Variants in ABCA13 observed in about 807,000 individuals in gnomAD.
ABCA13 encodes the protein ATP-binding cassette sub-family A member 13.
In ABCA13, 476 loss-of-function variants were observed where a neutral mutation model predicts 478.7. That is an observed-to-expected ratio of 0.99 (90% CI 0.92 to 1.07). The LOEUF is 1.07. ABCA13 is among the 50% of genes least tolerant of loss of function. The pLI is 0.00. For missense variants in ABCA13, 6,060 were observed against 5,910.6 expected (o/e 1.03, Z -0.83); for synonymous variants, 2,252 against 2,158.9 (o/e 1.04, Z -1.20).
chr7:48,247,289 G>C (rs896826533), intron 13 of ABCA13, among the ~76,000 whole-genome samples: 2 of 151,974 alleles, frequency 1.3e-5, no homozygotes, highest in Non-Finnish European at 2.9e-5. Context: ...ATGCATGCAG[G>C]CACAAAAAAC....
chr7:48,575,535 C>T (rs974706257), intron 55 of ABCA13, among the ~76,000 whole-genome samples: 2 of 152,060 alleles, frequency 1.3e-5, no homozygotes, highest in Non-Finnish European at 2.9e-5. Flanking sequence ...ATTAAATTAG[C>T]GCTGCCAGTG....
At position 48,507,646 on chromosome 7, in the gene ABCA13, C is replaced by T. The variant is rs943098370; in HGVS notation, c.13347-226C>T. Among the ~76,000 whole-genome samples the T allele has an allele frequency of 9.2e-5, 14 of 152,178 alleles. 1 individual carries two copies. Among genetic ancestry groups the T allele is most frequent in the African/African-American group, 3.1e-4 (13 of 41,454 alleles). On this transcript the variant is annotated intron_variant, in intron 49 of 61. Transcript: ENST00000435803. Reference sequence around the variant, plus strand: ...AAGAAGACTCCGAAATGCCCTCAAACTGTGCTCCTCAGTTTTGTCTTCTGT... The same window carrying T: ...AAGAAGACTCCGAAATGCCCTCAAATTGTGCTCCTCAGTTTTGTCTTCTGT...
Position 48,467,004 on chromosome 7 carries a change from T to C in ABCA13, c.12864T>C (p.Phe4288=). ...TCACCCGTGTGCTTCTGCGGAAGTT[T>C]AGAGATCAAGATTTGCCCTGTGCAG... is the stretch of plus-strand genomic sequence containing the variant. ...LDLTRVLLRK[F]RDQDLPCADL... The change falls in exon 44 of 62, where the codon TTT becomes TTC. Residue 4288 remains phenylalanine, a synonymous_variant. Transcript: ENST00000435803. The C allele has an allele frequency of 1.2e-6, 2 of 1,614,004 alleles. No individual in the cohort carries two copies. The highest frequency in any genetic ancestry group is 1.7e-5 in the Admixed American group (1 of 60,014).
At chr7:48,560,582 A>G (rs1479655921) in intron 55 of ABCA13, among the ~76,000 whole-genome samples, 2 of 152,230 alleles carry the variant, frequency 1.3e-5, no homozygotes, top group African/African-American at 4.8e-5. Context: ...GACAATCAGT[A>G]GAGGCTTCCA....
At chr7:48,196,905 G>A (rs1798010246) in intron 2 of ABCA13, among the ~76,000 whole-genome samples, 2 of 152,060 alleles carry the variant, frequency 1.3e-5, no homozygotes, top group Non-Finnish European at 1.5e-5. Flanking sequence ...TGACTGAGAG[G>A]GACCTTAGAA....
At chr7:48,295,921 C>G in intron 21 of ABCA13, 58 bp downstream of exon 21, 2 of 1,508,390 alleles carry the variant, frequency 1.3e-6, no homozygotes, top group Non-Finnish European at 1.8e-6. Flanking sequence ...GAGAGGATGT[C>G]TAGGACTCTT....
chr7:48,314,224 T>C lies in ABCA13; in HGVS notation c.9682-8T>C. 1 of 1,605,032 alleles carries C rather than the reference T, an allele frequency of 6.2e-7. No individual in the cohort carries two copies. The highest frequency in any genetic ancestry group is 1.7e-5 in the Admixed American group (1 of 57,352). ...TGTAATTGCAATTTAGTTTTCTTAT[T>C]TTCTCAGGTTTCACAAAATGTCCAG... On this transcript the variant is annotated splice_region_variant and splice_polypyrimidine_tract_variant and intron_variant, in intron 25 of 61. Transcript: ENST00000435803.
chr7:48,615,105 G>A (rs531855386), intron 58 of ABCA13, among the ~76,000 whole-genome samples, 180 bp from the exon 59 acceptor site: 2 of 151,104 alleles, frequency 1.3e-5, no homozygotes, highest in East Asian at 3.8e-4. Flanking sequence ...AAAATTGGCT[G>A]TCTAAATAAA....
At position 48,274,837 on chromosome 7, in the gene ABCA13, A is replaced by C. The variant is rs555935052; in HGVS notation, c.5171A>C (p.Asn1724Thr). The C allele has an allele frequency of 1.2e-6, 2 of 1,613,930 alleles. No individual in the cohort carries two copies. Among genetic ancestry groups the C allele is most frequent in the African/African-American group, 1.3e-5 (1 of 75,030 alleles). Reference protein sequence around the residue: ...EKFADSSHSWNVNHLLQLSRL... With the variant: ...EKFADSSHSWTVNHLLQLSRL... ...TTTGCAGACAGCTCACATTCTTGGA[A>C]TGTTAATCATCTGCTGCAGCTCTCA... The change falls in exon 17 of 62, where the codon AAT becomes ACT. Residue 1724 changes from asparagine to threonine, a missense_variant. Physicochemically the swap from Asn to Thr is moderately conservative, Grantham distance 65. Coordinates refer to ENST00000435803, the MANE Select transcript of ABCA13 (RefSeq NM_152701.5).
intron 3 of ABCA13, among the ~76,000 whole-genome samples, chr7:48,213,743 T>A (rs758660551): frequency 6.6e-6 from 1 of 152,230 alleles, no homozygotes; most frequent in Non-Finnish European, 1.5e-5. Flanking sequence ...ACTAACTTTA[T>A]GTAATATTCT....
rs756906530 is a variant in ABCA13, at chr7:48,412,445, CA to C, written c.12322del (p.Ser4108ValfsTer5). The part of the protein sequence containing the change: ...YIPQAFLKDS[S>X]GSELTYTIPK... ...TTCCACAAGCATTTCTCAAAGACAGCAGTGGAAGTGAGCTGACCTACACCAT... is the reference window on the plus strand; with the variant it reads ...TTCCACAAGCATTTCTCAAAGACAGCGTGGAAGTGAGCTGACCTACACCAT... On this transcript the variant is annotated frameshift_variant, in exon 41 of 62. Coordinates refer to ENST00000435803, the MANE Select transcript of ABCA13 (RefSeq NM_152701.5). LOFTEE classifies it high-confidence loss of function. The C allele has an allele frequency of 2.5e-6, 4 of 1,613,274 alleles. No homozygotes were observed. The highest frequency in any genetic ancestry group is 1.3e-5 in the African/African-American group (1 of 74,764).
At chr7:48,564,076 C>CT (rs146076179) in intron 55 of ABCA13, among the ~76,000 whole-genome samples, 2,623 of 152,018 alleles carry the variant, frequency 0.017, 81 homozygotes, top group African/African-American at 0.06. Context: ...TTCCCTCTAG[C>CT]TTTTTTCTTT....
chr7:48,275,831 T>G lies in ABCA13; in HGVS notation c.6165T>G (p.Phe2055Leu). ...FIEKSETPYN[F>L]EELWPKFQQI... ...AAAAAAGTGAAACACCTTACAACTT[T>G]GAAGAACTATGGCCCAAGTTTCAAC... Residue 2055 changes from phenylalanine to leucine, a missense_variant, in exon 17 of 62, where the codon TTT becomes TTG. Around this residue, in one of 3 missense-constraint regions of ABCA13, gnomAD observed 4,423 missense variants for 4,309.1 expected, o/e 1.03. Transcript: ENST00000435803. 6.2e-7 allele frequency: 1 copy of G among 1,613,144 alleles called. No individual in the cohort carries two copies. The highest frequency in any genetic ancestry group is 8.5e-7 in the Non-Finnish European group (1 of 1,179,694).
intron 45 of ABCA13, among the ~76,000 whole-genome samples, chr7:48,472,436 C>G (rs1208644528): frequency 6.6e-6 from 1 of 152,116 alleles, no homozygotes; most frequent in Non-Finnish European, 1.5e-5. Context: ...ATGTGGGACA[C>G]ACTTCCAAGT....
intron 43 of ABCA13, among the ~76,000 whole-genome samples, chr7:48,460,254 C>A (rs1012994242): frequency 2.0e-5 from 3 of 152,182 alleles, no homozygotes; most frequent in African/African-American, 7.2e-5. Context: ...GCTGCTATAG[C>A]AAAGAACCAC....
intron 48 of ABCA13, among the ~76,000 whole-genome samples, chr7:48,492,949 C>T (rs905689184): frequency 3.9e-5 from 6 of 152,010 alleles, no homozygotes; most frequent in African/African-American, 1.2e-4. Context: ...TTGCTTGAAC[C>T]CGGGAGGCAG....
chr7:48,419,316 T>TTTG (rs1563224589), intron 41 of ABCA13, among the ~76,000 whole-genome samples: 3 of 152,232 alleles, frequency 2.0e-5, no homozygotes, highest in Non-Finnish European at 2.9e-5. Context: ...TTACAAAATA[T>TTTG]TTGTATTTGT....
At chr7:48,643,661 G>C (rs1795260644) in intron 60 of ABCA13, among the ~76,000 whole-genome samples, 1 of 152,192 alleles carries the variant, frequency 6.6e-6, no homozygotes, top group Admixed American at 6.5e-5. Flanking sequence ...TTATCTGTGG[G>C]CACAGGTCCA....
At chr7:48,325,653 A>G (rs1158426773) in intron 27 of ABCA13, among the ~76,000 whole-genome samples, 1 of 152,150 alleles carries the variant, frequency 6.6e-6, no homozygotes, top group Non-Finnish European at 1.5e-5. Flanking sequence ...AGAAAAGAGA[A>G]AACTGGTTAA....
Sources: allele counts gnomAD v4.1 joint callset (sites outside exome capture counted in the v4.1 genomes callset), GRCh38; gene constraint gnomAD v4.1.1; regional missense constraint gnomAD v4.1.1; transcripts MANE v1.5; gene names NCBI Gene and HGNC (gene_info 2026-07-23, HGNC 2026-07-21).